Variants in SCFD2 observed in about 807,000 individuals in gnomAD.
The protein encoded by SCFD2 is sec1 family domain containing 2.
Under a neutral mutation model 58.9 loss-of-function variants are expected in SCFD2, and 54 were observed. That is an observed-to-expected ratio of 0.92 (90% confidence interval 0.74 to 1.15). The LOEUF (loss-of-function observed/expected upper bound fraction) is 1.15. Ranked by LOEUF, SCFD2 falls within the 50% of genes most tolerant of loss-of-function variation. The pLI is 0.00. For synonymous variants in SCFD2, 321 were observed against 335.9 expected (o/e 0.96, Z 0.49); for missense variants, 805 against 836.6 (o/e 0.96, Z 0.47).
chr4:53,164,721 GT>G (rs1726953251), intron 4 of SCFD2, among the ~76,000 whole-genome samples: 1 of 151,042 alleles, frequency 6.6e-6, no homozygotes, highest in Non-Finnish European at 1.5e-5. Flanking sequence ...GAACCTGGAG[GT>G]GGAGGTTGCA....
intron 4 of SCFD2, among the ~76,000 whole-genome samples, chr4:53,263,958 C>T (rs916996429): frequency 1.3e-5 from 2 of 152,106 alleles, no homozygotes; most frequent in East Asian, 1.9e-4. Flanking sequence ...TCTCCTTGGG[C>T]GAGGCTTGCT....
chr4:53,097,013 T>A (rs1577723842), intron 5 of SCFD2, among the ~76,000 whole-genome samples: 1 of 152,252 alleles, frequency 6.6e-6, no homozygotes, highest in African/African-American at 2.4e-5. Flanking sequence ...TTGTCAAAGA[T>A]CAGATGGTTG....
At chr4:52,922,404 A>G (rs761973898) in intron 5 of SCFD2, among the ~76,000 whole-genome samples, 3 of 151,632 alleles carry the variant, frequency 2.0e-5, no homozygotes, top group Non-Finnish European at 4.4e-5. Context: ...CTGTGGATTT[A>G]CCTATTCTGG....
chr4:53,203,059 C>A (rs1032483381), intron 4 of SCFD2, among the ~76,000 whole-genome samples: 6 of 152,182 alleles, frequency 3.9e-5, no homozygotes, highest in African/African-American at 1.4e-4. Context: ...ACTTCCAACA[C>A]TACGTTGAAT....
chr4:53,257,056 C>T (rs1335445290), intron 4 of SCFD2, among the ~76,000 whole-genome samples: 5 of 152,002 alleles, frequency 3.3e-5, no homozygotes, highest in African/African-American at 9.7e-5. Context: ...TCCCATGACA[C>T]GAGTTTCTCT....
intron 5 of SCFD2, among the ~76,000 whole-genome samples, chr4:52,987,076 C>A (rs1456264279): frequency 6.6e-6 from 1 of 152,148 alleles, no homozygotes; most frequent in African/African-American, 2.4e-5. Context: ...GTCGCCCAGG[C>A]TGGAGTGCAG....
intron 8 of SCFD2, among the ~76,000 whole-genome samples, chr4:52,876,376 C>G (rs574481589): frequency 6.6e-6 from 1 of 152,290 alleles, no homozygotes; most frequent in Non-Finnish European, 1.5e-5. Context: ...GAAAAATACA[C>G]AGACATTCAT....
chr4:53,178,054 C>T (rs1033377869), intron 4 of SCFD2, among the ~76,000 whole-genome samples: 1 of 152,198 alleles, frequency 6.6e-6, no homozygotes, highest in African/African-American at 2.4e-5. Context: ...AGGAGGCCTA[C>T]CTGCCTCTGT....
At chr4:53,303,545 G>A (rs1348819654) in intron 3 of SCFD2, among the ~76,000 whole-genome samples, 11 of 152,100 alleles carry the variant, frequency 7.2e-5, no homozygotes, top group East Asian at 1.9e-4. Context: ...TCAGTGTGGC[G>A]ATTCCTCAGG....
Position 53,053,695 on chromosome 4 carries a change from C to A in SCFD2, c.1561+91638G>T, listed in dbSNP as rs566485526. 5.3e-5 allele frequency among the ~76,000 whole-genome samples: 8 copies of A among 152,260 alleles called. No homozygotes were observed. The East Asian group carries it at 1.4e-3, about 26-fold the overall frequency. On this transcript the variant is annotated intron_variant, in intron 5 of 8. Transcript: ENST00000401642. Reference sequence around the variant, plus strand: ...TTTCCTCTGCCTAGAGAGGACTCGGCCTGCTGTCCACCCAACACCCTCCTG... The same window carrying A: ...TTTCCTCTGCCTAGAGAGGACTCGGACTGCTGTCCACCCAACACCCTCCTG...
intron 4 of SCFD2, among the ~76,000 whole-genome samples, chr4:53,252,424 C>T (rs1018554769): frequency 1.2e-4 from 18 of 151,598 alleles, no homozygotes; most frequent in Admixed American, 5.3e-4. Context: ...CCCGCATCGC[C>T]AAGTCAATCC....
chr4:53,348,908 A>T (rs1734137160), intron 2 of SCFD2, among the ~76,000 whole-genome samples: 1 of 151,724 alleles, frequency 6.6e-6, no homozygotes, highest in Non-Finnish European at 1.5e-5. Context: ...TTAAGTAAAG[A>T]TGGGGTTTCA....
At chr4:53,095,266 A>G (rs1724586642) in intron 5 of SCFD2, among the ~76,000 whole-genome samples, 1 of 152,132 alleles carries the variant, frequency 6.6e-6, no homozygotes, top group African/African-American at 2.4e-5. Context: ...TTCTTCCCTT[A>G]AAAACCGGCT....
chr4:53,272,600 G>A (rs1034704099), intron 4 of SCFD2, among the ~76,000 whole-genome samples: 1 of 148,640 alleles, frequency 6.7e-6, no homozygotes, highest in Non-Finnish European at 1.5e-5. Flanking sequence ...CTATCGCAAG[G>A]ACAAAAAACC....
intron 5 of SCFD2, among the ~76,000 whole-genome samples, chr4:53,039,854 A>AG (rs1389308179): frequency 1.3e-5 from 2 of 152,176 alleles, no homozygotes; most frequent in African/African-American, 4.8e-5. Flanking sequence ...TTCTCTCCTA[A>AG]GACGGTTGCT....
intron 4 of SCFD2, among the ~76,000 whole-genome samples, chr4:53,254,976 C>A (rs1396910506): frequency 2.0e-5 from 3 of 150,210 alleles, no homozygotes; most frequent in African/African-American, 4.9e-5. Flanking sequence ...GGGTTCACGC[C>A]ATTCTCCTGC....
intron 5 of SCFD2, among the ~76,000 whole-genome samples, chr4:53,069,369 A>G (rs1723752103): frequency 6.6e-6 from 1 of 151,968 alleles, no homozygotes; most frequent in South Asian, 2.1e-4. Context: ...AATTTACTAC[A>G]TTTTCATATC....
rs550099019 is a variant in SCFD2 at position 53,258,543 on chromosome 4, T to C, written c.1311+15283A>G. 3.6e-3 allele frequency among the ~76,000 whole-genome samples: 58 copies of C among 16,210 alleles called. No individual in the cohort carries two copies. The South Asian group carries it at 0.11, about 31-fold the overall frequency. 10.6% of individuals were successfully genotyped at this position (16,210 alleles called of 152,430 possible). A position where few individuals can be genotyped will look rare whatever the true frequency, so the allele number is the denominator to read the frequency against. ...TCGTATTCCATGGTGTGTGTGTATA[T>C]ATATATATATATATATATATATATA... is the stretch of plus-strand genomic sequence containing the variant. On this transcript the variant is annotated intron_variant, in intron 4 of 8. Transcript: ENST00000401642.
intron 2 of SCFD2, among the ~76,000 whole-genome samples, chr4:53,325,741 C>T (rs1733172630): frequency 6.6e-6 from 1 of 152,150 alleles, no homozygotes; most frequent in South Asian, 2.1e-4. Flanking sequence ...ATTATTATAA[C>T]CAAATTTTCA....
Sources: gnomAD v4.1 joint callset for allele counts (sites outside exome capture counted in the v4.1 genomes callset) on GRCh38, gnomAD v4.1.1 for gene constraint, MANE v1.5 for transcripts, NCBI Gene and HGNC (gene_info 2026-07-23, HGNC 2026-07-21) for gene names.